Variants in LINGO2 observed in about 807,000 individuals in gnomAD.
LINGO2 encodes leucine rich repeat and Ig domain containing 2.
A neutral mutation model predicts 30.6 loss-of-function variants in LINGO2; 14 were observed. The observed-to-expected ratio is 0.46, with a 90% confidence interval of 0.30 to 0.72. The LOEUF (loss-of-function observed/expected upper bound fraction) is 0.72, where lower values mean the gene tolerates loss of function less well. Ranked by LOEUF, LINGO2 falls within the 30% of genes least tolerant of loss-of-function variation. LINGO2 has a pLI of 0.07. For synonymous variants in LINGO2, 317 were observed against 288.5 expected (o/e 1.10, Z -1.00); for missense variants, 729 against 751.7 (o/e 0.97, Z 0.35).
chr9:28,686,190 A>G, the LINGO2 span, among the ~76,000 whole-genome samples: 1 of 152,026 alleles, frequency 6.6e-6, no homozygotes, highest in African/African-American at 2.4e-5. Flanking sequence ...CATCTTCTTT[A>G]TATAACTGAT....
intron 5 of LINGO2, among the ~76,000 whole-genome samples, chr9:27,977,365 C>T: frequency 6.6e-6 from 1 of 151,664 alleles, no homozygotes; most frequent in Non-Finnish European, 1.5e-5. Flanking sequence ...TTAATTACTT[C>T]AGGTGATAGA....
the LINGO2 span, among the ~76,000 whole-genome samples, chr9:29,077,068 A>G: frequency 6.6e-6 from 1 of 152,128 alleles, no homozygotes; most frequent in Non-Finnish European, 1.5e-5. Context: ...TCTTCCAAAC[A>G]TAAGGAAATG....
chr9:29,114,839 G>T, the LINGO2 span, among the ~76,000 whole-genome samples: 294 of 152,042 alleles, frequency 1.9e-3, 1 homozygote, highest in African/African-American at 6.7e-3. Flanking sequence ...TTTAAAAAAA[G>T]ATTATATTGA....
chr9:28,425,037 C>A (rs1823347769), intron 2 of LINGO2, among the ~76,000 whole-genome samples: 1 of 151,816 alleles, frequency 6.6e-6, no homozygotes, highest in Non-Finnish European at 1.5e-5. Flanking sequence ...TACAGTAGGT[C>A]TTAAACGGGT....
At chr9:29,171,613 T>C in the LINGO2 span, among the ~76,000 whole-genome samples, 2 of 151,718 alleles carry the variant, frequency 1.3e-5, no homozygotes, top group African/African-American at 4.8e-5. Flanking sequence ...TAAATGATCA[T>C]CCAAAGGAGA....
At chr9:28,607,994 T>C (rs1284142788) in intron 1 of LINGO2, among the ~76,000 whole-genome samples, 24 of 152,088 alleles carry the variant, frequency 1.6e-4, no homozygotes, top group Admixed American at 1.6e-3. Context: ...GAAATCATAA[T>C]GTAAAACAAA....
At chr9:28,271,837 C>A (rs572616351) in intron 4 of LINGO2, among the ~76,000 whole-genome samples, 1 of 152,324 alleles carries the variant, frequency 6.6e-6, no homozygotes, top group Admixed American at 6.5e-5. Context: ...AGCATCATTT[C>A]TGTGACCTAG....
chr9:28,837,649 A>AATATATATATATAT, the LINGO2 span, among the ~76,000 whole-genome samples: 2,772 of 75,472 alleles, frequency 0.037, 401 homozygotes, highest in Middle Eastern at 0.059. Context: ...CTCCGTCTAA[A>AATATATATATATAT]ATATATATAT....
At chr9:28,916,423 C>T in the LINGO2 span, among the ~76,000 whole-genome samples, 1 of 152,152 alleles carries the variant, frequency 6.6e-6, no homozygotes, top group Non-Finnish European at 1.5e-5. Context: ...CTCTCTGAAG[C>T]CGGCTACCTG....
intron 3 of LINGO2, among the ~76,000 whole-genome samples, chr9:28,321,766 A>T (rs1380863473): frequency 6.6e-6 from 1 of 152,160 alleles, no homozygotes; most frequent in South Asian, 2.1e-4. Context: ...TATGCTGAAC[A>T]TATTTTAGGT....
At chr9:27,945,089 C>G (rs567814420), downstream of LINGO2, among the ~76,000 whole-genome samples, 2 of 152,196 alleles carry the variant, frequency 1.3e-5, no homozygotes, top group Admixed American at 1.3e-4. Context: ...ACCCTCAAGA[C>G]ATATGCAGTG....
chr9:28,293,248 C>T (rs1354166563), intron 4 of LINGO2, among the ~76,000 whole-genome samples: 1 of 151,994 alleles, frequency 6.6e-6, no homozygotes, highest in East Asian at 1.9e-4. Flanking sequence ...CAAGCACACA[C>T]CACCATTCTC....
the LINGO2 span, among the ~76,000 whole-genome samples, chr9:28,966,748 G>GTAA: frequency 1.2e-3 from 183 of 152,154 alleles, no homozygotes; most frequent in Non-Finnish European, 2.1e-3. Flanking sequence ...TTCCATAAAA[G>GTAA]TAATGTAGAG....
chr9:28,242,734 T>A (rs993870402), intron 4 of LINGO2, among the ~76,000 whole-genome samples: 2 of 152,092 alleles, frequency 1.3e-5, no homozygotes, highest in South Asian at 2.1e-4. Flanking sequence ...AAAGGCCAGG[T>A]CACCTACAAA....
the LINGO2 span, among the ~76,000 whole-genome samples, chr9:28,792,483 TAC>T: frequency 6.6e-6 from 1 of 152,064 alleles, no homozygotes; most frequent in Admixed American, 6.5e-5. Flanking sequence ...TACAAAATGC[TAC>T]AGTCTGTTGT....
chr9:28,929,228 T>C, the LINGO2 span, among the ~76,000 whole-genome samples: 1 of 152,154 alleles, frequency 6.6e-6, no homozygotes, highest in African/African-American at 2.4e-5. Context: ...CATGACACAG[T>C]AGAGAGTGAG....
At chr9:28,790,386 T>C in the LINGO2 span, among the ~76,000 whole-genome samples, 1 of 144,258 alleles carries the variant, frequency 6.9e-6, no homozygotes, top group African/African-American at 2.5e-5. Context: ...TGGAGTGCAG[T>C]CGTGCGATCT....
At chr9:28,884,979 TA>T in the LINGO2 span, among the ~76,000 whole-genome samples, 2,767 of 12,544 alleles carry the variant, frequency 0.22, 527 homozygotes, top group Middle Eastern at 0.28. Flanking sequence ...ATAATATATA[TA>T]ATATATAATA....
chr9:28,965,419 C>T, the LINGO2 span, among the ~76,000 whole-genome samples: 1 of 151,964 alleles, frequency 6.6e-6, no homozygotes, highest in Non-Finnish European at 1.5e-5. Context: ...TATAACTGGG[C>T]ACAAGAAAAC....
Sources: allele counts gnomAD v4.1 joint callset (sites outside exome capture counted in the v4.1 genomes callset), GRCh38; gene constraint gnomAD v4.1.1; transcripts MANE v1.5; gene names NCBI Gene and HGNC (gene_info 2026-07-23, HGNC 2026-07-21).